IRAG2: variants seen among roughly 807,000 people sequenced by gnomAD.
IRAG2 encodes inositol 1,4,5-triphosphate receptor associated 2.
A neutral mutation model predicts 69.9 loss-of-function variants in IRAG2; 45 were observed. The observed-to-expected ratio is 0.64, with a 90% CI of 0.51 to 0.83. IRAG2 has a LOEUF of 0.83. Ranked by LOEUF, IRAG2 falls within the 40% of genes least tolerant of loss-of-function variation. The pLI is 0.00. For missense variants in IRAG2, 520 were observed against 587.0 expected, an observed-to-expected ratio of 0.89 and a Z score of 1.18; for synonymous variants, 193 against 202.4, an observed-to-expected ratio of 0.95 and a Z score of 0.40.
upstream of IRAG2, among the ~76,000 whole-genome samples, chr12:25,051,645 G>A (rs988957654): frequency 1.3e-5 from 2 of 152,206 alleles, no homozygotes; most frequent in African/African-American, 4.8e-5. Context: ...GGGTGATGGG[G>A]AGAAAAGCTT....
exon 1 of IRAG2, chr12:25,004,729 A>G: frequency 8.1e-7 from 1 of 1,232,174 alleles, no homozygotes; most frequent in Middle Eastern, 3.1e-4. Context: ...GAGCAACAAG[A>G]ATTATACATC....
intron 15 of IRAG2, among the ~76,000 whole-genome samples, chr12:25,100,100 A>C (rs1948670415): frequency 6.6e-6 from 1 of 152,136 alleles, no homozygotes; most frequent in African/African-American, 2.4e-5. Context: ...AAAGATATTT[A>C]ACATCCTTAA....
chr12:25,096,394 G>T (rs1948422356), intron 14 of IRAG2, among the ~76,000 whole-genome samples: 1 of 152,130 alleles, frequency 6.6e-6, no homozygotes, highest in African/African-American at 2.4e-5. Context: ...TGGTGAGAAG[G>T]ATGTTCATCA....
intron 4 of IRAG2, among the ~76,000 whole-genome samples, chr12:25,065,129 G>C (rs1001956051): frequency 1.3e-5 from 2 of 151,420 alleles, no homozygotes; most frequent in African/African-American, 4.8e-5. Context: ...CTTGCTATGT[G>C]CCAGACACAG....
At chr12:25,002,493 T>G (rs1944398352), upstream of IRAG2, among the ~76,000 whole-genome samples, 1 of 152,112 alleles carries the variant, frequency 6.6e-6, no homozygotes, top group Non-Finnish European at 1.5e-5. Flanking sequence ...GAAGACAACA[T>G]TGAATTAAAT....
chr12:25,077,301 TATATATG>T lies in IRAG2; in HGVS notation c.25-1936_25-1930del, dbSNP rs1239911027. Among the ~76,000 whole-genome samples, 22 of 46,982 alleles carry T rather than the reference TATATATG, an allele frequency of 4.7e-4. 1 individual carries two copies. The highest frequency in any genetic ancestry group is 2.0e-3 in the East Asian group (2 of 1,022). The allele number at this position is 46,982 out of a possible 152,430, so 30.8% of individuals were successfully genotyped here. On this transcript the variant is annotated intron_variant, in intron 6 of 21. Coordinates refer to ENST00000556887, the MANE Select transcript of IRAG2 (RefSeq NM_001366544.2). ...AAATATATATGATATATATATGAAA[TATATATG>T]ATATATATGATATATATATGATATA...
chr12:25,038,164 C>T, intron 16 of IRAG2: 1 of 398,472 alleles, frequency 2.5e-6, no homozygotes, highest in African/African-American at 2.1e-5. Context: ...TATAAGAAAT[C>T]CATGCTTTAT....
At chr12:25,032,928 C>T (rs1342840925) in intron 12 of IRAG2, among the ~76,000 whole-genome samples, 1 of 151,148 alleles carries the variant, frequency 6.6e-6, no homozygotes, top group Non-Finnish European at 1.5e-5. Context: ...TTGCTTTTCC[C>T]TTACCCTGGA....
At chr12:25,042,061 C>T (rs1051883200) in intron 16 of IRAG2, among the ~76,000 whole-genome samples, 1 of 151,610 alleles carries the variant, frequency 6.6e-6, no homozygotes, top group East Asian at 1.9e-4. Context: ...AAGTTATAGA[C>T]TTAGGAACTA....
intron 5 of IRAG2, among the ~76,000 whole-genome samples, chr12:25,068,431 T>G (rs912567827): frequency 6.6e-6 from 1 of 152,300 alleles, no homozygotes; most frequent in African/African-American, 2.4e-5. Context: ...TCAGAAGCTT[T>G]CCAAGTGCTG....
At chr12:25,014,002 G>A (rs966684261) in intron 3 of IRAG2, among the ~76,000 whole-genome samples, 4 of 149,626 alleles carry the variant, frequency 2.7e-5, no homozygotes, top group Middle Eastern at 3.5e-3. Flanking sequence ...AGCCTCCCGA[G>A]TAGCTGGGAC....
intron 9 of IRAG2, among the ~76,000 whole-genome samples, chr12:25,028,350 T>C (rs964311131): frequency 2.6e-5 from 4 of 152,244 alleles, no homozygotes; most frequent in Non-Finnish European, 5.9e-5. Flanking sequence ...ATTTGTTATC[T>C]TTTTATATTA....
At chr12:25,056,183 T>C (rs1258785407) in intron 1 of IRAG2, among the ~76,000 whole-genome samples, 2 of 152,158 alleles carry the variant, frequency 1.3e-5, no homozygotes, top group African/African-American at 4.8e-5. Flanking sequence ...CCCTTAGGGC[T>C]TGGAGCATGG....
chr12:25,032,958 CTTTTT>C (rs11349391), intron 12 of IRAG2, among the ~76,000 whole-genome samples: 2 of 136,544 alleles, frequency 1.5e-5, no homozygotes, highest in Non-Finnish European at 1.6e-5. Context: ...CTCTTTCTTT[CTTTTT>C]TTTTTTTTTT....
At chr12:25,102,381 T>C (rs1948808301) in intron 17 of IRAG2, 140 bp downstream of exon 17, 6 of 667,188 alleles carry the variant, frequency 9.0e-6, no homozygotes, top group African/African-American at 1.8e-5. Context: ...TATCTAAGTA[T>C]GCTTTTATAC....
intron 10 of IRAG2, among the ~76,000 whole-genome samples, chr12:25,086,394 A>G (rs1947609269): frequency 6.6e-6 from 1 of 152,222 alleles, no homozygotes. Flanking sequence ...AAATAAGATC[A>G]GTTTGAGACA....
rs1280193480 is a variant in IRAG2, at chr12:25,104,387, A to C, written c.1073A>C (p.Glu358Ala). The C allele has an allele frequency of 6.2e-7, 1 of 1,612,986 alleles. No homozygotes were observed. Among genetic ancestry groups the C allele is most frequent in the Admixed American group, 1.7e-5 (1 of 60,028 alleles). ...SWRILGSKQS[E>A]HRPSLPRFIS... Reference sequence around the variant, plus strand: ...CGTATTTTGGGGTCAAAGCAGAGTGAACACCGTCCCTCATTACCTCGATTT... The same window carrying C: ...CGTATTTTGGGGTCAAAGCAGAGTGCACACCGTCCCTCATTACCTCGATTT... Residue 358 changes from glutamate (E) to alanine (A), a missense_variant, in exon 20 of 22, where the codon GAA (glutamate) becomes GCA (alanine). Physicochemically the swap from Glu to Ala is moderately radical, Grantham distance 107. Transcript: ENST00000556887.
intron 1 of IRAG2, among the ~76,000 whole-genome samples, chr12:25,054,307 T>C (rs1945083987): frequency 6.6e-6 from 1 of 152,332 alleles, no homozygotes; most frequent in Admixed American, 6.5e-5. Flanking sequence ...ACATGAATCA[T>C]AAGGCATTCC....
intron 16 of IRAG2, among the ~76,000 whole-genome samples, chr12:25,039,178 T>C (rs954221163): frequency 6.6e-6 from 1 of 152,190 alleles, no homozygotes; most frequent in Non-Finnish European, 1.5e-5. Flanking sequence ...ATATTTCACT[T>C]GAACAAAATT....
Sources: allele counts gnomAD v4.1 joint callset (sites outside exome capture counted in the v4.1 genomes callset), GRCh38; gene constraint gnomAD v4.1.1; transcripts MANE v1.5; gene names NCBI Gene and HGNC (gene_info 2026-07-23, HGNC 2026-07-21).